The following CCDC77 variants were observed in gnomAD, a reference collection of about 807,000 sequenced individuals.
The protein encoded by CCDC77 is coiled-coil domain-containing protein 77.
Under a neutral mutation model 66.8 loss-of-function variants are expected in CCDC77, and 56 were observed. That is an observed-to-expected ratio of 0.84 (90% CI 0.68 to 1.05). CCDC77 has a LOEUF of 1.05. Among genes scored for constraint, CCDC77 ranks in the 50% least tolerant of loss-of-function variants. The pLI, the probability that CCDC77 is intolerant of heterozygous loss-of-function variation, is 0.00. For missense variants in CCDC77, 570 were observed against 576.8 expected (o/e 0.99, Z 0.12); for synonymous variants, 196 against 195.2 (o/e 1.00, Z -0.03).
At chr12:428,959 G>C in intron 6 of CCDC77, 94 bp downstream of exon 6, 1 of 705,300 alleles carries the variant, frequency 1.4e-6, no homozygotes, top group Non-Finnish European at 2.4e-6. Context: ...GCTGGAGAAG[G>C]CAGATGGAGA....
chr12:416,850 G>A (rs1945295891), intron 4 of CCDC77, among the ~76,000 whole-genome samples: 1 of 151,866 alleles, frequency 6.6e-6, no homozygotes, highest in Non-Finnish European at 1.5e-5. Flanking sequence ...GCTCGTGCCT[G>A]TAATCCCAGC....
At position 440,741 on chromosome 12, in the gene CCDC77, A is replaced by G; in HGVS notation, c.1166A>G (p.Lys389Arg). ...EEEGMRREIFKDRTNKMGKRL... is the reference protein window; with the variant it reads ...EEEGMRREIFRDRTNKMGKRL... ...GAGGGAATGAGGAGAGAGATCTTCA[A>G]GGTACGAAATTATCTGCCACTTGTA... Residue 389 changes from lysine to arginine, a missense_variant and splice_region_variant, in exon 11 of 13, where the codon AAG becomes AGG. By Grantham distance (26) the Lys-to-Arg change is conservative. Transcript: ENST00000239830. The G allele has an allele frequency of 6.2e-7, 1 of 1,614,026 alleles. No individual in the cohort carries two copies. Among genetic ancestry groups the G allele is most frequent in the South Asian group, 1.1e-5 (1 of 91,082 alleles).
At chr12:436,284 A>AT (rs530855014) in intron 9 of CCDC77, among the ~76,000 whole-genome samples, 225 of 146,198 alleles carry the variant, frequency 1.5e-3, no homozygotes, top group African/African-American at 1.5e-3. Flanking sequence ...CGCCCGGCTA[A>AT]TTTTTTTTTT....
At chr12:427,219 TG>T (rs761307318) in intron 5 of CCDC77, among the ~76,000 whole-genome samples, 10 of 150,470 alleles carry the variant, frequency 6.6e-5, no homozygotes, top group African/African-American at 1.7e-4. Flanking sequence ...CACTCCAGCC[TG>T]GGCGACAGAG....
At chr12:432,290 A>T (rs1945667456) in intron 8 of CCDC77, among the ~76,000 whole-genome samples, 2 of 152,178 alleles carry the variant, frequency 1.3e-5, no homozygotes, top group South Asian at 4.1e-4. Flanking sequence ...TCAACATTTG[A>T]TGGTATATTC....
Position 423,483 on chromosome 12 carries a change from T to G in CCDC77, c.413+4847T>G, listed in dbSNP as rs1285125733. Among the ~76,000 whole-genome samples the G allele has an allele frequency of 5.1e-4, 17 of 33,120 alleles. 1 individual carries two copies. The highest frequency in any genetic ancestry group is 4.2e-4 in the African/African-American group (3 of 7,226). 21.7% of individuals were successfully genotyped at this position (33,120 alleles called of 152,430 possible). A position where few individuals can be genotyped will look rare whatever the true frequency, so the allele number is the denominator to read the frequency against. On this transcript the variant is annotated intron_variant, in intron 5 of 12. Coordinates refer to ENST00000239830, the MANE Select transcript of CCDC77 (RefSeq NM_032358.4). ...GGTGTTTTTTGTGTTTTTTGTGTTT[T>G]TTTTTGTTTTGTTTTTTTTTTTTTT...
chr12:419,104 T>C (rs1189990608), intron 5 of CCDC77, among the ~76,000 whole-genome samples: 1 of 152,228 alleles, frequency 6.6e-6, no homozygotes, highest in Non-Finnish European at 1.5e-5. Flanking sequence ...CGGTAGTTAC[T>C]GGAGAAGCTC....
In CCDC77 at chr12:407,603, C is replaced by G. The variant is rs1020595873; in HGVS notation, c.-16-1765C>G. 2.6e-5 allele frequency among the ~76,000 whole-genome samples: 4 copies of G among 151,992 alleles called. No homozygotes were observed. The South Asian group carries it at 8.3e-4, about 32-fold the overall frequency. ...AGATCACCAAGGCAATGAGTAATGA[C>G]CAGTAAGAAAAGGGGACAACCAGGA... On this transcript the variant is annotated intron_variant, in intron 2 of 12. Transcript: ENST00000239830.
chr12:415,838 T>G (rs1218624088), intron 4 of CCDC77, among the ~76,000 whole-genome samples: 1 of 142,972 alleles, frequency 7.0e-6, no homozygotes, highest in South Asian at 2.2e-4. Flanking sequence ...GAAGTCTTGC[T>G]CTTGTCACCC....
chr12:405,242 A>C (rs1944970822), intron 1 of CCDC77, among the ~76,000 whole-genome samples: 1 of 152,248 alleles, frequency 6.6e-6, no homozygotes, highest in East Asian at 1.9e-4. Flanking sequence ...CAGAATAGGG[A>C]AATCTGTAGA....
intron 4 of CCDC77, among the ~76,000 whole-genome samples, chr12:415,143 G>C (rs971944776): frequency 6.6e-6 from 1 of 151,938 alleles, no homozygotes; most frequent in African/African-American, 2.4e-5. Context: ...CACAGTGTGA[G>C]CCACCGTGCC....
chr12:415,363 G>A lies in CCDC77; in HGVS notation c.271-3131G>A, dbSNP rs776024511. On this transcript the variant is annotated intron_variant, in intron 4 of 12. Coordinates refer to ENST00000239830, the MANE Select transcript of CCDC77 (RefSeq NM_032358.4). ...GTTAATATAATCAACATAATATTATGTTAATATAATCAACATAATATTATG... is the reference window on the plus strand; with the variant it reads ...GTTAATATAATCAACATAATATTATATTAATATAATCAACATAATATTATG... 4.7e-3 allele frequency among the ~76,000 whole-genome samples: 354 copies of A among 75,266 alleles called. 7 individuals carry two copies. Among genetic ancestry groups the A allele is most frequent in the East Asian group, 0.011 (19 of 1,774 alleles). 49.4% of individuals were successfully genotyped at this position (75,266 alleles called of 152,430 possible). A position where few individuals can be genotyped will look rare whatever the true frequency, so the allele number is the denominator to read the frequency against.
intron 6 of CCDC77, 84 bp downstream of exon 6, chr12:428,949 G>T: frequency 1.3e-6 from 1 of 758,438 alleles, no homozygotes; most frequent in Non-Finnish European, 2.2e-6. Context: ...TTTAGTATCC[G>T]CTGGAGAAGG....
At chr12:395,026 T>G (rs901492536) in intron 1 of CCDC77, 2 of 152,200 alleles carry the variant, frequency 1.3e-5, no homozygotes, top group Admixed American at 6.5e-5. Context: ...GTGGAGAAAG[T>G]AAGGGGGCTT....
At chr12:424,267 C>CTATAGA (rs1239256090) in intron 5 of CCDC77, among the ~76,000 whole-genome samples, 1 of 152,068 alleles carries the variant, frequency 6.6e-6, no homozygotes, top group African/African-American at 2.4e-5. Context: ...CCGTGCCTGG[C>CTATAGA]TATAGAAGTT....
At chr12:398,533 G>A (rs1944857804), upstream of CCDC77, among the ~76,000 whole-genome samples, 3 of 149,790 alleles carry the variant, frequency 2.0e-5, no homozygotes, top group African/African-American at 7.4e-5. Context: ...TCTGCCTCCC[G>A]GGTTCAAGCG....
upstream of CCDC77, among the ~76,000 whole-genome samples, chr12:400,095 A>G (rs780828567): frequency 4.6e-5 from 7 of 152,260 alleles, no homozygotes; most frequent in Non-Finnish European, 8.8e-5. Context: ...TTGCACTTTT[A>G]AGTAACGGAA....
chr12:428,485 T>G (rs548807144), intron 5 of CCDC77, among the ~76,000 whole-genome samples: 135 of 118,084 alleles, frequency 1.1e-3, no homozygotes, highest in Non-Finnish European at 1.1e-3. Flanking sequence ...CACTCCAGCC[T>G]GGACAACAGA....
intron 9 of CCDC77, 185 bp downstream of exon 9, chr12:433,507 G>C (rs893746769): frequency 1.5e-6 from 2 of 1,370,848 alleles, no homozygotes; most frequent in Non-Finnish European, 1.9e-6. Flanking sequence ...TGCTGTTGAA[G>C]AGCTGATGAG....
Sources: gnomAD v4.1 joint callset for allele counts (sites outside exome capture counted in the v4.1 genomes callset) on GRCh38, gnomAD v4.1.1 for gene constraint, MANE v1.5 for transcripts, NCBI Gene and HGNC (gene_info 2026-07-23, HGNC 2026-07-21) for gene names.